Variants in ABCF1 observed in about 807,000 individuals in gnomAD.
The protein encoded by ABCF1 is ATP binding cassette subfamily F member 1, also known as ATP-binding cassette sub-family F member 1.
Under a neutral mutation model 126.3 loss-of-function variants are expected in ABCF1, and 73 were observed. The ratio of observed to expected loss-of-function variants is 0.58; its 90% CI spans 0.48 to 0.70. ABCF1 has a LOEUF of 0.70. ABCF1 is among the 30% of genes least tolerant of loss of function. The probability of loss-of-function intolerance (pLI) is 0.00; values close to 1 mark genes in which losing one functional copy is unlikely to be tolerated. For synonymous variants in ABCF1, 345 were observed against 396.4 expected (o/e 0.87, Z 1.54); for missense variants, 786 against 1,057.5 (o/e 0.74, Z 3.56).
rs1322990353 is a variant in ABCF1 at position 30,591,402 on chromosome 6, C to T, written c.*701C>T. 15 of 152,180 alleles carry T rather than the reference C, an allele frequency of 9.9e-5. 1 individual carries two copies. Among genetic ancestry groups the T allele is most frequent in the Non-Finnish European group, 2.2e-4 (15 of 68,088 alleles). The allele number at this position is 152,180 out of a possible 1,614,324, so 9.4% of individuals were successfully genotyped here. On this transcript the variant is annotated 3_prime_UTR_variant, in exon 25 of 25. Transcript: ENST00000326195. ...TTTTCTAGCAGCTTTTAATAGTCCC[C>T]TCTTCCCCACTAAATGGATCTTGTT... is the stretch of plus-strand genomic sequence containing the variant.
At chr6:30,577,047 T>C (rs1233908252) in intron 1 of ABCF1, among the ~76,000 whole-genome samples, 2 of 152,220 alleles carry the variant, frequency 1.3e-5, no homozygotes, top group Non-Finnish European at 2.9e-5. Flanking sequence ...CACCACCAAG[T>C]AGGCTTTACC....
At chr6:30,581,239 G>A (rs1801800805) in intron 8 of ABCF1, among the ~76,000 whole-genome samples, 4 of 152,014 alleles carry the variant, frequency 2.6e-5, no homozygotes, top group Admixed American at 1.3e-4. Flanking sequence ...CACTGGCTGT[G>A]TGACCTTGAA....
intron 3 of ABCF1, 54 bp from the exon 4 acceptor site, chr6:30,578,022 A>C: frequency 6.2e-7 from 1 of 1,613,956 alleles, no homozygotes; most frequent in Admixed American, 1.7e-5. Flanking sequence ...TGTGAGGCAG[A>C]AATACAGCAG....
rs746329780 is a variant in ABCF1, at chr6:30,586,316, C to T, written c.1885+11C>T. 13 of 1,601,692 alleles carry T rather than the reference C, an allele frequency of 8.1e-6. No individual in the cohort carries two copies. Among genetic ancestry groups the T allele is most frequent in the African/African-American group, 2.7e-5 (2 of 74,348 alleles). On this transcript the variant is annotated intron_variant, in intron 18 of 24. Transcript: ENST00000326195. This position sits in a 1 kb window ranked among gnomAD's most constrained non-coding sequence, Gnocchi z 4.9. ...TGCTGGGTCTGCATGGTGAGTGCCG[C>T]GGGCCTCTGCTGCTCCACAGGAAGC...
At chr6:30,573,951 C>G (rs1423880796) in intron 1 of ABCF1, among the ~76,000 whole-genome samples, 2 of 152,164 alleles carry the variant, frequency 1.3e-5, no homozygotes, top group Non-Finnish European at 2.9e-5. Flanking sequence ...AGAAGGCTTG[C>G]TTTCTTGCCT....
intron 1 of ABCF1, among the ~76,000 whole-genome samples, chr6:30,575,265 T>G (rs1801440699): frequency 1.3e-5 from 2 of 152,016 alleles, no homozygotes; most frequent in Non-Finnish European, 2.9e-5. Context: ...AGATGGGGTT[T>G]CACCATGTTG....
intron 6 of ABCF1, among the ~76,000 whole-genome samples, chr6:30,579,500 C>T (rs1801692359): frequency 6.8e-6 from 1 of 147,254 alleles, no homozygotes; most frequent in South Asian, 2.1e-4. Flanking sequence ...ACTCTGTTGC[C>T]AGGCTGGAGT....
At position 30,584,053 on chromosome 6, in the gene ABCF1, A is replaced by G; in HGVS notation, c.1103-139A>G. Reference sequence around the variant, plus strand: ...TAAGGAAAGGAGGGGAGGGTCAATGAGGAACTTGAGAGTGTTTTATTTGGA... The same window carrying G: ...TAAGGAAAGGAGGGGAGGGTCAATGGGGAACTTGAGAGTGTTTTATTTGGA... On this transcript the variant is annotated intron_variant, in intron 12 of 24. Transcript: ENST00000326195. This position sits in a 1 kb window ranked among gnomAD's most constrained non-coding sequence, Gnocchi z 4.6. 7.1e-7 allele frequency: 1 copy of G among 1,409,088 alleles called. No homozygotes were observed. The highest frequency in any genetic ancestry group is 9.6e-7 in the Non-Finnish European group (1 of 1,037,578). The allele number at this position is 1,409,088 out of a possible 1,614,324, so 87.3% of individuals were successfully genotyped here.
chr6:30,589,110 T>A (rs766890581), intron 20 of ABCF1, among the ~76,000 whole-genome samples: 10 of 152,230 alleles, frequency 6.6e-5, no homozygotes, highest in Non-Finnish European at 1.0e-4. Flanking sequence ...ACCATTCTTG[T>A]GCCTCAGCCT....
chr6:30,586,887 G>C lies in ABCF1; in HGVS notation c.2031+176G>C, dbSNP rs796527274. Among the ~76,000 whole-genome samples, 13 of 152,282 alleles carry C rather than the reference G, an allele frequency of 8.5e-5. No homozygotes were observed. The highest frequency in any genetic ancestry group is 4.1e-4 in the South Asian group (2 of 4,828). ...GAGGAAAGAGCTTAGATCAGTTCAG[G>C]GGGGAGAGCTAAGAGAATTAAGATA... On this transcript the variant is annotated intron_variant, in intron 20 of 24. Transcript: ENST00000326195. The surrounding 1 kb of genome is among the most constrained non-coding windows in gnomAD (Gnocchi z 4.9).
chr6:30,580,110 G>A (rs553235913), intron 7 of ABCF1, 105 bp downstream of exon 7: 1 of 1,105,050 alleles, frequency 9.0e-7, no homozygotes, highest in East Asian at 2.7e-5. Flanking sequence ...ACTTTGGGAG[G>A]CCGAGGTGGG....
intron 1 of ABCF1, among the ~76,000 whole-genome samples, chr6:30,573,813 A>G (rs1364226057): frequency 6.6e-6 from 1 of 152,232 alleles, no homozygotes; most frequent in Admixed American, 6.5e-5. Flanking sequence ...TCATTCGGAG[A>G]TGATACCAGA....
At chr6:30,582,372 G>T in intron 8 of ABCF1, 22 bp from the exon 9 acceptor site, 1 of 1,529,920 alleles carries the variant, frequency 6.5e-7, no homozygotes, top group East Asian at 2.3e-5. Flanking sequence ...CCCTAGTTTT[G>T]ACCATCCCCG....
intron 20 of ABCF1, among the ~76,000 whole-genome samples, chr6:30,588,680 CT>C (rs2127418132): frequency 6.6e-6 from 1 of 151,972 alleles, no homozygotes; most frequent in South Asian, 2.1e-4. Flanking sequence ...TTTATTTGAA[CT>C]TTTGTAATAT....
At chr6:30,581,987 A>G (rs1582584967) in intron 8 of ABCF1, among the ~76,000 whole-genome samples, 1 of 152,178 alleles carries the variant, frequency 6.6e-6, no homozygotes, top group South Asian at 2.1e-4. Context: ...GTAGTGAAGG[A>G]AAGAGCTGGG....
rs554634649 is a variant in ABCF1, at chr6:30,589,848, A to G, written c.2107A>G (p.Met703Val). Residue 703 changes from methionine to valine, a missense_variant, in exon 22 of 25, where the codon ATG (methionine) becomes GTG (valine). Met to Val is a conservative substitution (Grantham distance 21). Around this residue, in one of 4 missense-constraint regions of ABCF1, gnomAD observed 288 missense variants for 423.5 expected, o/e 0.68. Transcript: ENST00000326195. ...CCAGCAGTATGCAGAGCAGCTGCGC[A>G]TGGAGGAGACGCCCACTGAGTACCT... ...FNQQYAEQLR[M>V]EETPTEYLQR... 4 of 1,614,200 alleles carry G rather than the reference A, an allele frequency of 2.5e-6. No individual in the cohort carries two copies. The highest frequency in any genetic ancestry group is 2.2e-5 in the South Asian group (2 of 91,074).
chr6:30,586,026 C>T lies in ABCF1; in HGVS notation c.1713+35C>T. ...TGAGGGACTTCTGGGCTGGGGGCCA[C>T]TGTTCTCTCCTGGCAGTGGAGGAAG... On this transcript the variant is annotated intron_variant, in intron 17 of 24. Transcript: ENST00000326195. The surrounding 1 kb of genome is among the most constrained non-coding windows in gnomAD (Gnocchi z 4.9). The T allele has an allele frequency of 1.3e-6, 2 of 1,594,160 alleles. No individual in the cohort carries two copies. Among genetic ancestry groups the T allele is most frequent in the Non-Finnish European group, 1.7e-6 (2 of 1,169,982 alleles).
Position 30,586,993 on chromosome 6 carries a change from G to A in ABCF1, c.2031+282G>A, listed in dbSNP as rs1802175805. Among the ~76,000 whole-genome samples the A allele has an allele frequency of 6.6e-6, 1 of 152,090 alleles. No individual in the cohort carries two copies. Among genetic ancestry groups the A allele is most frequent in the African/African-American group, 2.4e-5 (1 of 41,400 alleles). On this transcript the variant is annotated intron_variant, in intron 20 of 24. Transcript: ENST00000326195. The surrounding 1 kb of genome is among the most constrained non-coding windows in gnomAD (Gnocchi z 4.9). ...AGAACGATTAAAAATTGCATAAACG[G>A]GCCAGGCACAGTAGCTCACTCCTAT...
At position 30,584,519 on chromosome 6, in the gene ABCF1, C is replaced by T; in HGVS notation, c.1344C>T (p.Pro448=). ...LGFDPEMQNR[P]TQKFSGGWRM... ...TTGACCCTGAAATGCAGAATCGACC[C>T]ACACAGAAGTTCTCAGGGGGCTGGC... The change falls in exon 14 of 25, where the codon CCC becomes CCT. Residue 448 remains proline, a synonymous_variant. Transcript: ENST00000326195. The surrounding 1 kb of genome is among the most constrained non-coding windows in gnomAD (Gnocchi z 4.6). 6.2e-7 allele frequency: 1 copy of T among 1,612,430 alleles called. No homozygotes were observed. The highest frequency in any genetic ancestry group is 8.5e-7 in the Non-Finnish European group (1 of 1,179,678).
Sources: allele counts gnomAD v4.1 joint callset (sites outside exome capture counted in the v4.1 genomes callset), GRCh38; gene constraint gnomAD v4.1.1; regional missense constraint gnomAD v4.1.1; non-coding constraint Gnocchi (gnomAD v3.1); transcripts MANE v1.5; gene names NCBI Gene and HGNC (gene_info 2026-07-23, HGNC 2026-07-21).